GPR160: variants seen among roughly 807,000 people sequenced by gnomAD.
GPR160 encodes the protein probable G protein-coupled receptor 160.
In GPR160, 2 loss-of-function variants were observed where a neutral mutation model predicts 2.6. The observed-to-expected ratio is 0.77, with a 90% confidence interval of 0.32 to 2.44. The LOEUF (loss-of-function observed/expected upper bound fraction) is 2.44. Ranked by LOEUF, GPR160 falls within the 30% of genes most tolerant of loss-of-function variation. GPR160 has a pLI of 0.11. For missense variants in GPR160, 351 were observed against 383.6 expected (o/e 0.91, Z 0.71); for synonymous variants, 130 against 132.2 (o/e 0.98, Z 0.12).
At chr3:170,065,670 G>C (rs1033420742) in intron 2 of GPR160, among the ~76,000 whole-genome samples, 2 of 152,136 alleles carry the variant, frequency 1.3e-5, no homozygotes, top group African/African-American at 4.8e-5. Context: ...AGAATTCTAT[G>C]TTGGAAAGTT....
chr3:170,062,629 G>A, intron 2 of GPR160: 4 of 1,396,742 alleles, frequency 2.9e-6, no homozygotes, highest in Admixed American at 1.9e-5. Context: ...CTCCGGCCTC[G>A]TCTTGTGATT....
chr3:170,041,215 G>T (rs1027338682), intron 2 of GPR160, among the ~76,000 whole-genome samples: 1 of 152,034 alleles, frequency 6.6e-6, no homozygotes, highest in Non-Finnish European at 1.5e-5. Context: ...TGAGATCTGG[G>T]ACAGTTAAAA....
At chr3:170,058,463 A>G (rs960470877) in intron 2 of GPR160, among the ~76,000 whole-genome samples, 1 of 152,206 alleles carries the variant, frequency 6.6e-6, no homozygotes, top group Non-Finnish European at 1.5e-5. Context: ...GGGAAGATAA[A>G]ATGGAGAATA....
At chr3:170,080,825 C>T (rs1481717032) in intron 3 of GPR160, among the ~76,000 whole-genome samples, 1 of 152,176 alleles carries the variant, frequency 6.6e-6, no homozygotes, top group Admixed American at 6.5e-5. Flanking sequence ...CTCTGCCTCC[C>T]AAGTAGCTGG....
intron 3 of GPR160, among the ~76,000 whole-genome samples, chr3:170,082,063 A>T (rs1445165090): frequency 6.6e-6 from 1 of 152,138 alleles, no homozygotes; most frequent in Non-Finnish European, 1.5e-5. Flanking sequence ...ACCTATTTTT[A>T]GGCAAATTTA....
chr3:170,061,096 G>A (rs1159007504), intron 2 of GPR160, among the ~76,000 whole-genome samples: 1 of 152,008 alleles, frequency 6.6e-6, no homozygotes, highest in Non-Finnish European at 1.5e-5. Context: ...CCAACATGGT[G>A]AAACCACATC....
intron 2 of GPR160, among the ~76,000 whole-genome samples, chr3:170,058,854 C>T (rs1489296729): frequency 6.6e-6 from 1 of 152,134 alleles, no homozygotes; most frequent in Non-Finnish European, 1.5e-5. Flanking sequence ...CTACATAATG[C>T]AGCCATAAAA....
chr3:170,071,890 C>CA (rs1553769173), intron 2 of GPR160, among the ~76,000 whole-genome samples: 2 of 150,408 alleles, frequency 1.3e-5, no homozygotes, highest in East Asian at 3.9e-4. Flanking sequence ...GTTTTTGAGG[C>CA]TTTTTTTTTG....
intron 2 of GPR160, among the ~76,000 whole-genome samples, chr3:170,042,996 C>T (rs1422260153): frequency 1.3e-5 from 2 of 151,082 alleles, no homozygotes; most frequent in African/African-American, 4.9e-5. Flanking sequence ...ATTCTCCTGC[C>T]TCAGCCTCCC....
Position 170,084,953 on chromosome 3 carries a change from G to A in GPR160, c.981G>A (p.Glu327=). 6.3e-7 allele frequency: 1 copy of A among 1,577,098 alleles called. No individual in the cohort carries two copies. The highest frequency in any genetic ancestry group is 8.6e-7 in the Non-Finnish European group (1 of 1,162,278). Residue 327 remains glutamate, a synonymous_variant, in exon 4 of 4, where the codon GAG becomes GAA. Transcript: ENST00000355897. ...TTCCACTTACAATTCCTAATCTTGA[G>A]CAAATTGAAAAGCCTATATCAATAA... ...CFIPLTIPNL[E]QIEKPISIMI... is the part of the protein sequence containing the mutation.
At chr3:170,074,132 G>A (rs986892604) in intron 2 of GPR160, among the ~76,000 whole-genome samples, 41 of 151,920 alleles carry the variant, frequency 2.7e-4, no homozygotes, top group Admixed American at 2.2e-3. Context: ...TAGGTGATCC[G>A]CTGGCCTCAG....
Position 170,084,815 on chromosome 3 carries a change from C to T in GPR160, c.843C>T (p.Tyr281=), listed in dbSNP as rs377308505. 2.1e-5 allele frequency: 34 copies of T among 1,608,404 alleles called. No homozygotes were observed. Among genetic ancestry groups the T allele is most frequent in the Non-Finnish European group, 2.9e-5 (34 of 1,175,526 alleles). ...AYIEMNIPWL[Y]FVNSFLIATV... ...TTGAGATGAATATTCCCTGGTTATACTTTGTCAATAGTTTTCTCATTGCTA... is the reference window on the plus strand; with the variant it reads ...TTGAGATGAATATTCCCTGGTTATATTTTGTCAATAGTTTTCTCATTGCTA... Residue 281 remains tyrosine, a synonymous_variant, in exon 4 of 4, where the codon TAC becomes TAT. Coordinates refer to ENST00000355897, the MANE Select transcript of GPR160 (RefSeq NM_014373.3).
intron 2 of GPR160, among the ~76,000 whole-genome samples, chr3:170,067,921 T>A (rs1193644407): frequency 6.6e-6 from 1 of 152,144 alleles, no homozygotes; most frequent in African/African-American, 2.4e-5. Context: ...TATCCCTCAA[T>A]CCTCTATTTC....
chr3:170,044,339 A>AAAAAAG (rs1716601664), intron 2 of GPR160, among the ~76,000 whole-genome samples: 1 of 150,112 alleles, frequency 6.7e-6, no homozygotes, highest in African/African-American at 2.4e-5. Flanking sequence ...AAAAAAAAAA[A>AAAAAAG]GAGAAGAGAA....
chr3:170,039,786 TTC>T (rs1202484481), intron 2 of GPR160, among the ~76,000 whole-genome samples: 13 of 152,352 alleles, frequency 8.5e-5, no homozygotes, highest in Admixed American at 8.5e-4. Context: ...ATTATAATAG[TTC>T]TGTTTAGTTA....
chr3:170,067,166 A>T (rs6763055), intron 2 of GPR160, among the ~76,000 whole-genome samples: 39,219 of 151,984 alleles, frequency 0.26, 5,601 homozygotes, highest in East Asian at 0.49. Context: ...CACCATGCCC[A>T]GCTAAGTTTT....
At chr3:170,063,180 C>CT (rs201450289) in intron 2 of GPR160, 4,893 of 137,900 alleles carry the variant, frequency 0.035, 238 homozygotes, top group African/African-American at 0.11. Context: ...GTTTTTGTGC[C>CT]TTTTTTTTTT....
intron 2 of GPR160, among the ~76,000 whole-genome samples, chr3:170,042,489 G>C (rs1716495643): frequency 6.7e-6 from 1 of 149,816 alleles, no homozygotes; most frequent in African/African-American, 2.5e-5. Context: ...TAGGGAGACA[G>C]GGAAGGAAAT....
At chr3:170,082,915 A>AATC (rs1395920722) in intron 3 of GPR160, among the ~76,000 whole-genome samples, 1 of 150,610 alleles carries the variant, frequency 6.6e-6, no homozygotes, top group African/African-American at 2.4e-5. Flanking sequence ...GTTTTGAACC[A>AATC]ATCTCCAGTT....
Sources: allele counts gnomAD v4.1 joint callset (sites outside exome capture counted in the v4.1 genomes callset), GRCh38; gene constraint gnomAD v4.1.1; transcripts MANE v1.5; gene names NCBI Gene and HGNC (gene_info 2026-07-23, HGNC 2026-07-21).